The following MFSD12 variants were observed in gnomAD, a reference collection of about 807,000 sequenced individuals.
MFSD12 encodes the protein major facilitator superfamily domain containing 12.
A neutral mutation model predicts 51.2 loss-of-function variants in MFSD12; 67 were observed. The ratio of observed to expected loss-of-function variants is 1.31; its 90% CI spans 1.08 to 1.60. The LOEUF (loss-of-function observed/expected upper bound fraction) is 1.60. MFSD12 is among the 40% of genes most tolerant of loss of function. MFSD12 has a pLI of 0.00. For synonymous variants in MFSD12, 441 were observed against 316.7 expected (o/e 1.39, Z -4.17); for missense variants, 921 against 673.0 (o/e 1.37, Z -4.08).
At chr19:3,543,481 C>CA, downstream of MFSD12, 3 of 404,690 alleles carry the variant, frequency 7.4e-6, no homozygotes, top group Non-Finnish European at 9.8e-6. Context: ...CGGGTGAGTG[C>CA]CCCCCCCCCC....
downstream of MFSD12, chr19:3,541,662 G>A: frequency 2.0e-6 from 2 of 985,286 alleles, no homozygotes; most frequent in Non-Finnish European, 2.4e-6. Context: ...GAGATGCAGT[G>A]AATGGGCTCC....
chr19:3,540,098 T>TC (rs893435295), downstream of MFSD12: 3 of 145,530 alleles, frequency 2.1e-5, no homozygotes, highest in Non-Finnish European at 4.5e-5. Context: ...TCTTTTTTTT[T>TC]TTTTTTTTTT....
intron 9 of MFSD12, 24 bp downstream of exon 9, chr19:3,544,785 A>C (rs961246042): frequency 3.9e-6 from 2 of 509,558 alleles, no homozygotes; most frequent in Non-Finnish European, 7.5e-6. Context: ...GTGTCTGGGG[A>C]GGGAGGGGTG....
chr19:3,546,127 A>G lies in MFSD12; in HGVS notation c.1236T>C (p.Asp412=). Residue 412 remains aspartate (D), a synonymous_variant, in exon 8 of 10, where the codon GAT becomes GAC. Transcript: ENST00000355415. The part of the protein sequence containing the change: ...AFVYGSMSFL[D]KVANGLAVMA... ...TGACTGCCAGCCCATTGGCCACCTT[A>G]TCCAAGAAGCTCATGGAGCCGTACA... 1 of 1,613,278 alleles carries G rather than the reference A, an allele frequency of 6.2e-7. No homozygotes were observed. The highest frequency in any genetic ancestry group is 1.1e-5 in the South Asian group (1 of 91,076).
chr19:3,543,279 TCAGG>T, downstream of MFSD12: 1 of 1,547,960 alleles, frequency 6.5e-7, no homozygotes, highest in Non-Finnish European at 8.7e-7. Context: ...CCACCAGCCA[TCAGG>T]CAGGCCACAC....
At chr19:3,555,735 G>A (rs1027508390) in intron 1 of MFSD12, among the ~76,000 whole-genome samples, 4 of 152,186 alleles carry the variant, frequency 2.6e-5, no homozygotes, top group African/African-American at 7.2e-5. Context: ...GGAGGCACCC[G>A]CCTGCCCCTC....
At chr19:3,539,337 TG>T (rs1257970893), downstream of MFSD12, 8 of 897,364 alleles carry the variant, frequency 8.9e-6, no homozygotes, top group East Asian at 2.1e-4. Context: ...ACATGGTGTT[TG>T]GTTTGGGGTC....
intron 2 of MFSD12, among the ~76,000 whole-genome samples, chr19:3,550,538 C>T (rs937521350): frequency 6.6e-6 from 1 of 151,906 alleles, no homozygotes; most frequent in Non-Finnish European, 1.5e-5. Flanking sequence ...ACTACAGGCG[C>T]CCACCACCGC....
intron 1 of MFSD12, among the ~76,000 whole-genome samples, chr19:3,553,322 T>C (rs904979076): frequency 6.6e-6 from 1 of 151,848 alleles, no homozygotes; most frequent in African/African-American, 2.4e-5. Context: ...AAAACAGGGA[T>C]AGTGGCCAGG....
Position 3,544,811 on chromosome 19 carries a change from C to CG in MFSD12, c.1417dup (p.Arg473ProfsTer5). 4.3e-6 allele frequency: 7 copies of CG among 1,611,972 alleles called. No homozygotes were observed. Among genetic ancestry groups the CG allele is most frequent in the Non-Finnish European group, 5.9e-6 (7 of 1,179,178 alleles). On this transcript the variant is annotated frameshift_variant, in exon 9 of 10. Transcript: ENST00000355415. LOFTEE classifies it high-confidence loss of function. ...GGGAGGGGTGGGCCAGGACTCACAGCGTCGCAGGCGGGTCGGCCACAGCAG... is the reference window on the plus strand; with the variant it reads ...GGGAGGGGTGGGCCAGGACTCACAGCGGTCGCAGGCGGGTCGGCCACAGCAG...
chr19:3,546,783 A>C (rs1324018114), intron 6 of MFSD12, among the ~76,000 whole-genome samples: 1 of 152,122 alleles, frequency 6.6e-6, no homozygotes, highest in African/African-American at 2.4e-5. Context: ...CGAGTGTATA[A>C]ACTCGAGACA....
intron 2 of MFSD12, among the ~76,000 whole-genome samples, chr19:3,549,663 CAGTGAGCCGAGAT>C (rs2031353200): frequency 2.1e-5 from 3 of 145,812 alleles, no homozygotes; most frequent in Non-Finnish European, 4.4e-5. Flanking sequence ...GCAGAGGTTG[CAGTGAGCCGAGAT>C]GGCGCCACTG....
chr19:3,549,384 G>A (rs979329274), intron 2 of MFSD12, among the ~76,000 whole-genome samples: 7 of 152,300 alleles, frequency 4.6e-5, no homozygotes, highest in South Asian at 2.1e-4. Flanking sequence ...AAGGGACTTC[G>A]CAGTGTGTTA....
Position 3,557,179 on chromosome 19 carries a change from G to C in MFSD12, c.225C>G (p.Leu75=), listed in dbSNP as rs750517033. The C allele has an allele frequency of 2.6e-6, 4 of 1,547,224 alleles. No individual in the cohort carries two copies. Among genetic ancestry groups the C allele is most frequent in the Non-Finnish European group, 3.5e-6 (4 of 1,149,366 alleles). The change falls in exon 1 of 10, where the codon CTC becomes CTG. Residue 75 remains leucine (L), a synonymous_variant. Transcript: ENST00000355415. ...CGGCGCGGTCGGCCTCGTAGCCCAC[G>C]AGCGGTGTGCACAGCCCGTCGGCCA... ...GQVADGLCTP[L]VGYEADRAAS...
At chr19:3,540,264 T>TG (rs1422689435), downstream of MFSD12, among the ~76,000 whole-genome samples, 2 of 144,938 alleles carry the variant, frequency 1.4e-5, no homozygotes, top group Admixed American at 6.6e-5. Context: ...AGCTAATTTT[T>TG]GTTTTTTTTT....
chr19:3,538,893 G>C (rs1177167503), intron 4 of MFSD12: 1 of 646,636 alleles, frequency 1.5e-6, no homozygotes, highest in Admixed American at 2.1e-5. Flanking sequence ...CCTCAAGGGG[G>C]TGTGGAGATG....
Position 3,547,383 on chromosome 19 carries a change from G to A in MFSD12, c.931-19C>T, listed in dbSNP as rs368048614. 88 of 1,612,672 alleles carry A rather than the reference G, an allele frequency of 5.5e-5. No individual in the cohort carries two copies. Among genetic ancestry groups the A allele is most frequent in the Non-Finnish European group, 7.1e-5 (84 of 1,179,570 alleles). On this transcript the variant is annotated intron_variant, in intron 5 of 9. Transcript: ENST00000355415. The stretch of plus-strand genomic sequence containing the variant: ...TGAACTTCTGCGGAGGCAGAGCCAG[G>A]CATGCCGTGTCAGTCATGGCTCGCC...
intron 1 of MFSD12, among the ~76,000 whole-genome samples, chr19:3,555,545 C>A (rs1474820215): frequency 6.6e-6 from 1 of 152,230 alleles, no homozygotes; most frequent in South Asian, 2.1e-4. Context: ...TGTCTGCCGC[C>A]GCCTCAGGTA....
At chr19:3,545,943 T>G in intron 8 of MFSD12, 131 bp downstream of exon 8, 1 of 875,084 alleles carries the variant, frequency 1.1e-6, no homozygotes, top group Admixed American at 2.0e-5. Flanking sequence ...CCCCTGCCTA[T>G]GACTCCCATT....
Sources: allele counts gnomAD v4.1 joint callset (sites outside exome capture counted in the v4.1 genomes callset), GRCh38; gene constraint gnomAD v4.1.1; transcripts MANE v1.5; gene names NCBI Gene and HGNC (gene_info 2026-07-23, HGNC 2026-07-21).